Variants in ADAMTS3 observed in about 807,000 individuals in gnomAD.
The protein encoded by ADAMTS3 is A disintegrin and metalloproteinase with thrombospondin motifs 3.
A neutral mutation model predicts 129.0 loss-of-function variants in ADAMTS3; 73 were observed. The ratio of observed to expected loss-of-function variants is 0.57; its 90% CI spans 0.47 to 0.69. The LOEUF (loss-of-function observed/expected upper bound fraction) is 0.69. Among genes scored for constraint, ADAMTS3 ranks in the 30% least tolerant of loss-of-function variants. The probability of loss-of-function intolerance (pLI) is 0.00; values close to 1 mark genes in which losing one functional copy is unlikely to be tolerated. For missense variants in ADAMTS3, 1,457 were observed against 1,514.5 expected (o/e 0.96, Z 0.63); for synonymous variants, 477 against 510.8 (o/e 0.93, Z 0.89).
At chr4:72,287,501 A>G (rs189782584) in intron 21 of ADAMTS3, among the ~76,000 whole-genome samples, 1 of 151,084 alleles carries the variant, frequency 6.6e-6, no homozygotes, top group African/African-American at 2.4e-5. Context: ...TGGAACAAGG[A>G]AAGAGGGGAA....
chr4:72,498,116 A>T (rs1465394553), intron 3 of ADAMTS3, among the ~76,000 whole-genome samples: 1 of 152,094 alleles, frequency 6.6e-6, no homozygotes, highest in Admixed American at 6.6e-5. Context: ...TGTTTTCCGT[A>T]TAACATATTA....
At chr4:72,420,587 T>C (rs1364424239) in intron 3 of ADAMTS3, among the ~76,000 whole-genome samples, 4 of 152,232 alleles carry the variant, frequency 2.6e-5, no homozygotes, top group Non-Finnish European at 4.4e-5. Flanking sequence ...TTGTTTATTG[T>C]TAGTAACCCA....
At chr4:72,311,502 A>G (rs529952924) in intron 13 of ADAMTS3, among the ~76,000 whole-genome samples, 1 of 152,278 alleles carries the variant, frequency 6.6e-6, no homozygotes, top group East Asian at 1.9e-4. Flanking sequence ...CTTAATTCAA[A>G]ACCAGTTTAG....
At chr4:72,407,598 A>G (rs1247152441) in intron 4 of ADAMTS3, among the ~76,000 whole-genome samples, 2 of 152,134 alleles carry the variant, frequency 1.3e-5, no homozygotes, top group African/African-American at 4.8e-5. Flanking sequence ...ACTAGAGAGA[A>G]CCAAGGCCTT....
chr4:72,426,112 G>T (rs1722567325), intron 3 of ADAMTS3, among the ~76,000 whole-genome samples: 3 of 152,202 alleles, frequency 2.0e-5, no homozygotes, highest in African/African-American at 7.2e-5. Context: ...TCATGTCTCT[G>T]TTGGCTGCAT....
intron 15 of ADAMTS3, among the ~76,000 whole-genome samples, chr4:72,308,946 T>C (rs1424497705): frequency 1.3e-5 from 2 of 152,150 alleles, no homozygotes; most frequent in East Asian, 1.9e-4. Context: ...ATAAACAGGA[T>C]AAAATTGTTC....
chr4:72,464,283 C>T (rs1297578055), intron 3 of ADAMTS3, among the ~76,000 whole-genome samples: 1 of 152,036 alleles, frequency 6.6e-6, no homozygotes. Flanking sequence ...CTGCCTCCAC[C>T]CCAACCCCAT....
chr4:72,408,364 G>A (rs1275649353), intron 4 of ADAMTS3, among the ~76,000 whole-genome samples: 1 of 151,534 alleles, frequency 6.6e-6, no homozygotes, highest in Non-Finnish European at 1.5e-5. Context: ...AGACATAGGA[G>A]GTGCACACAC....
At chr4:72,514,931 C>A (rs533531360) in intron 3 of ADAMTS3, among the ~76,000 whole-genome samples, 49 of 151,920 alleles carry the variant, frequency 3.2e-4, no homozygotes, top group Non-Finnish European at 6.3e-4. Context: ...GTGTGCTGCA[C>A]CCATTAACTC....
chr4:72,565,044 T>G (rs1721989744), intron 2 of ADAMTS3, among the ~76,000 whole-genome samples: 2 of 152,216 alleles, frequency 1.3e-5, no homozygotes, highest in African/African-American at 4.8e-5. Context: ...GACTGCTGAC[T>G]GCACAGGAGC....
Position 72,549,983 on chromosome 4 carries a change from GA to G in ADAMTS3, c.98-1100del, listed in dbSNP as rs1560563811. On this transcript the variant is annotated intron_variant, in intron 2 of 21. Coordinates refer to ENST00000286657, the MANE Select transcript of ADAMTS3 (RefSeq NM_014243.3). ...AAAAAAAGAAGAAGAAGAAGAAGAA[GA>G]AGAAGAAGAGGAAGAGGAAGAAGAA... Among the ~76,000 whole-genome samples, 192 of 29,268 alleles carry G rather than the reference GA, an allele frequency of 6.6e-3. 18 individuals are homozygous for G. The highest frequency in any genetic ancestry group is 0.037 in the Middle Eastern group (3 of 80). 19.2% of individuals were successfully genotyped at this position (29,268 alleles called of 152,430 possible).
rs1404218917 is a variant in ADAMTS3, at chr4:72,359,552, T to C, written c.662-19859A>G. Reference sequence around the variant, plus strand: ...AGTATGGGGAAAAGGCCATGAAATATAAATGGCTAAATATTTCAGTGAAAG... The same window carrying C: ...AGTATGGGGAAAAGGCCATGAAATACAAATGGCTAAATATTTCAGTGAAAG... On this transcript the variant is annotated intron_variant, in intron 4 of 21. Transcript: ENST00000286657. Among the ~76,000 whole-genome samples, 3 of 152,162 alleles carry C rather than the reference T, an allele frequency of 2.0e-5. No individual in the cohort carries two copies. In the East Asian group the frequency reaches 5.8e-4, roughly 29 times the overall value.
intron 3 of ADAMTS3, among the ~76,000 whole-genome samples, chr4:72,456,284 A>G (rs36130104): frequency 0.015 from 266 of 18,038 alleles, no homozygotes; most frequent in South Asian, 0.032. Context: ...TATATTTTAT[A>G]TATAGTATAT....
chr4:72,427,620 G>A (rs1325051334), intron 3 of ADAMTS3, among the ~76,000 whole-genome samples: 1 of 151,812 alleles, frequency 6.6e-6, no homozygotes, highest in East Asian at 1.9e-4. Context: ...GAAAACAGCA[G>A]AAGGAAAAAA....
At chr4:72,541,054 T>A (rs762759834) in intron 3 of ADAMTS3, among the ~76,000 whole-genome samples, 12 of 152,106 alleles carry the variant, frequency 7.9e-5, no homozygotes, top group Non-Finnish European at 1.8e-4. Context: ...TTGCACCACA[T>A]GCCTGGAAAA....
intron 3 of ADAMTS3, among the ~76,000 whole-genome samples, chr4:72,416,067 T>TA (rs947341679): frequency 2.0e-4 from 30 of 151,744 alleles, no homozygotes; most frequent in African/African-American, 7.0e-4. Context: ...AGGAGTTTCT[T>TA]ACTCCTTCGA....
intron 3 of ADAMTS3, among the ~76,000 whole-genome samples, chr4:72,521,674 C>T (rs535835974): frequency 2.6e-4 from 40 of 152,074 alleles, no homozygotes; most frequent in South Asian, 1.7e-3. Context: ...CATAAAAGTA[C>T]CCCAAATAGT....
intron 3 of ADAMTS3, among the ~76,000 whole-genome samples, chr4:72,534,856 G>A (rs961189232): frequency 6.6e-6 from 1 of 152,082 alleles, no homozygotes; most frequent in Admixed American, 6.5e-5. Flanking sequence ...TAGATCAATG[G>A]TTAGGGTCTA....
chr4:72,284,266 A>G (rs895098067), intron 21 of ADAMTS3, among the ~76,000 whole-genome samples: 2 of 152,076 alleles, frequency 1.3e-5, no homozygotes, highest in African/African-American at 4.8e-5. Flanking sequence ...ACACAGTGAA[A>G]AGCCGTCTCT....
Sources: allele counts gnomAD v4.1 joint callset (sites outside exome capture counted in the v4.1 genomes callset), GRCh38; gene constraint gnomAD v4.1.1; transcripts MANE v1.5; gene names NCBI Gene and HGNC (gene_info 2026-07-23, HGNC 2026-07-21).